MACROH2A2: variants seen among roughly 807,000 people sequenced by gnomAD.
MACROH2A2 encodes the protein core histone macro-H2A.2.
MACROH2A2 carries 6 observed loss-of-function variants against 37.6 expected under a neutral mutation model. The observed-to-expected ratio is 0.16, with a 90% CI of 0.09 to 0.32. The LOEUF (loss-of-function observed/expected upper bound fraction) is 0.32, where lower values mean the gene tolerates loss of function less well. Among genes scored for constraint, MACROH2A2 ranks in the 10% least tolerant of loss-of-function variants. The probability of loss-of-function intolerance (pLI) is 1.00; values close to 1 mark genes in which losing one functional copy is unlikely to be tolerated. For missense variants in MACROH2A2, 290 were observed against 485.9 expected (o/e 0.60, Z 3.79); for synonymous variants, 192 against 202.7 (o/e 0.95, Z 0.45).
At chr10:70,057,922 G>T (rs2072027690) in intron 1 of MACROH2A2, among the ~76,000 whole-genome samples, 1 of 152,138 alleles carries the variant, frequency 6.6e-6, no homozygotes, top group African/African-American at 2.4e-5. Flanking sequence ...GGATGGTGAA[G>T]AACATGCCCC....
chr10:70,092,977 C>T (rs2072254959), intron 4 of MACROH2A2, among the ~76,000 whole-genome samples: 1 of 151,380 alleles, frequency 6.6e-6, no homozygotes, highest in Non-Finnish European at 1.5e-5. Flanking sequence ...CTATGTTGCC[C>T]AGTACAGTAA....
In MACROH2A2 at chr10:70,079,885, G is replaced by C. The variant is rs539837656; in HGVS notation, c.172+4055G>C. On this transcript the variant is annotated intron_variant, in intron 2 of 8. Coordinates refer to ENST00000373255, the MANE Select transcript of MACROH2A2 (RefSeq NM_018649.3). The stretch of plus-strand genomic sequence containing the variant: ...GGGCATCAAGGATGATATGAATCTT[G>C]TAGGTATGGACTAGCTACTTTCTCT... 2.6e-5 allele frequency among the ~76,000 whole-genome samples: 4 copies of C among 152,300 alleles called. No homozygotes were observed. The East Asian group carries it at 7.7e-4, about 29-fold the overall frequency.
intron 7 of MACROH2A2, among the ~76,000 whole-genome samples, chr10:70,105,888 G>C (rs965521664): frequency 1.3e-5 from 2 of 152,140 alleles, no homozygotes; most frequent in Non-Finnish European, 2.9e-5. Context: ...GTTAGCCCTG[G>C]GGCCCCAGAA....
chr10:70,091,395 G>T (rs985661532), intron 3 of MACROH2A2, among the ~76,000 whole-genome samples: 2 of 152,236 alleles, frequency 1.3e-5, no homozygotes, highest in African/African-American at 4.8e-5. Flanking sequence ...TTAAGTCCAG[G>T]CCAGGCACAG....
chr10:70,092,195 G>A (rs562906076), intron 4 of MACROH2A2, among the ~76,000 whole-genome samples: 11 of 152,324 alleles, frequency 7.2e-5, no homozygotes, highest in African/African-American at 1.7e-4. Context: ...GCTAGAAAGC[G>A]TCATCTACCA....
chr10:70,067,364 G>A (rs1289794952), intron 1 of MACROH2A2, among the ~76,000 whole-genome samples: 2 of 152,152 alleles, frequency 1.3e-5, no homozygotes, highest in Non-Finnish European at 1.5e-5. Flanking sequence ...CACGGAAAAC[G>A]TGGAATGCTT....
intron 2 of MACROH2A2, among the ~76,000 whole-genome samples, chr10:70,084,638 G>A (rs1057452465): frequency 2.0e-5 from 3 of 152,052 alleles, no homozygotes; most frequent in Non-Finnish European, 2.9e-5. Flanking sequence ...GTAAGTTTTT[G>A]TTGCCCAGGC....
At position 70,077,429 on chromosome 10, in the gene MACROH2A2, G is replaced by A. The variant is rs558497706; in HGVS notation, c.172+1599G>A. ...CTAAAAATACAAAAATTAGCCAGGCGTGATGGCAGCTACTGGGATTACAGG... is the reference window on the plus strand; with the variant it reads ...CTAAAAATACAAAAATTAGCCAGGCATGATGGCAGCTACTGGGATTACAGG... On this transcript the variant is annotated intron_variant, in intron 2 of 8. Transcript: ENST00000373255. 2.6e-5 allele frequency among the ~76,000 whole-genome samples: 4 copies of A among 151,834 alleles called. No individual in the cohort carries two copies. In the East Asian group the frequency reaches 5.9e-4, roughly 22 times the overall value.
rs202232601 is a variant in MACROH2A2 at position 70,075,689 on chromosome 10, T to A, written c.31T>A (p.Ser11Thr). 4.2e-5 allele frequency: 67 copies of A among 1,614,056 alleles called. No individual in the cohort carries two copies. In the South Asian group the frequency reaches 5.3e-4, roughly 13 times the overall value. ...GGGCCGGAGTGGGAAGAAGAAAATG[T>A]CCAAGCTGTCCCGTTCAGCTAGGGC... Reference protein sequence around the residue: MSGRSGKKKMSKLSRSARAGV... With the variant: MSGRSGKKKMTKLSRSARAGV... The change falls in exon 2 of 9, where the codon TCC (serine) becomes ACC (threonine). Residue 11 changes from serine (S) to threonine (T), a missense_variant. Around this residue, in one of 3 missense-constraint regions of MACROH2A2, gnomAD observed 83 missense variants for 159.9 expected, o/e 0.52. Transcript: ENST00000373255. This position sits in a 1 kb window ranked among gnomAD's most constrained non-coding sequence, Gnocchi z 5.0.
chr10:70,105,504 C>T (rs557820533), intron 7 of MACROH2A2, among the ~76,000 whole-genome samples: 17 of 152,066 alleles, frequency 1.1e-4, no homozygotes, highest in Non-Finnish European at 1.6e-4. Flanking sequence ...GGCTGGAGGA[C>T]GACTGGGCAT....
intron 6 of MACROH2A2, among the ~76,000 whole-genome samples, 190 bp downstream of exon 6, chr10:70,095,943 A>G (rs1414201927): frequency 6.6e-6 from 1 of 152,132 alleles, no homozygotes; most frequent in Non-Finnish European, 1.5e-5. Context: ...ATATTTTTGA[A>G]ATTTTTATTG....
intron 2 of MACROH2A2, among the ~76,000 whole-genome samples, chr10:70,076,337 A>G (rs2072139539): frequency 6.6e-6 from 1 of 152,198 alleles, no homozygotes; most frequent in African/African-American, 2.4e-5. Context: ...AGCCGATGTA[A>G]TGTTCTAATT....
chr10:70,070,674 G>A (rs1260072410), intron 1 of MACROH2A2, among the ~76,000 whole-genome samples: 3 of 152,094 alleles, frequency 2.0e-5, no homozygotes, highest in Non-Finnish European at 4.4e-5. Context: ...TGTATTTTTA[G>A]TAGAGTCGGG....
chr10:70,093,551 C>T (rs10999133), intron 4 of MACROH2A2, among the ~76,000 whole-genome samples, 184 bp from the exon 5 acceptor site: 5 of 152,300 alleles, frequency 3.3e-5, no homozygotes, highest in East Asian at 3.9e-4. Context: ...TGCTATTTTG[C>T]GGTACCCTTT....
At chr10:70,074,274 T>C (rs373148094) in intron 1 of MACROH2A2, among the ~76,000 whole-genome samples, 7 of 152,196 alleles carry the variant, frequency 4.6e-5, no homozygotes, top group African/African-American at 1.7e-4. Flanking sequence ...TCTCTCTTAG[T>C]TCCTGGTGCT....
At chr10:70,054,781 G>T (rs2072004164) in intron 1 of MACROH2A2, among the ~76,000 whole-genome samples, 1 of 152,172 alleles carries the variant, frequency 6.6e-6, no homozygotes. Flanking sequence ...TAGAGGCACT[G>T]CCCGGCGGAA....
At chr10:70,056,093 A>G (rs2072014409) in intron 1 of MACROH2A2, among the ~76,000 whole-genome samples, 1 of 152,242 alleles carries the variant, frequency 6.6e-6, no homozygotes, top group Non-Finnish European at 1.5e-5. Flanking sequence ...TCTATAAGTA[A>G]AAATTCATAC....
At chr10:70,082,404 G>A (rs183357814) in intron 2 of MACROH2A2, among the ~76,000 whole-genome samples, 1 of 145,282 alleles carries the variant, frequency 6.9e-6, no homozygotes, top group Admixed American at 7.1e-5. Flanking sequence ...GGCAACAAGA[G>A]TGAAACTGTG....
intron 2 of MACROH2A2, among the ~76,000 whole-genome samples, chr10:70,078,351 T>G (rs2072153219): frequency 6.6e-6 from 1 of 152,160 alleles, no homozygotes; most frequent in African/African-American, 2.4e-5. Context: ...CCCCGGCCAG[T>G]CCCAGTGTCC....
Sources: gnomAD v4.1 joint callset for allele counts (sites outside exome capture counted in the v4.1 genomes callset) on GRCh38, gnomAD v4.1.1 for gene constraint, gnomAD v4.1.1 regional missense constraint, Gnocchi (gnomAD v3.1) non-coding constraint, MANE v1.5 for transcripts, NCBI Gene and HGNC (gene_info 2026-07-23, HGNC 2026-07-21) for gene names.